The following UBE4B variants were observed in gnomAD, a reference collection of about 807,000 sequenced individuals.
The protein encoded by UBE4B is ubiquitin conjugation factor E4 B.
Under a neutral mutation model 148.1 loss-of-function variants are expected in UBE4B, and 27 were observed. That is an observed-to-expected ratio of 0.18 (90% CI 0.13 to 0.25). The LOEUF is 0.25. Ranked by LOEUF, UBE4B falls within the 10% of genes least tolerant of loss-of-function variation. The pLI is 1.00. For synonymous variants in UBE4B, 596 were observed against 619.3 expected (o/e 0.96, Z 0.56); for missense variants, 1,170 against 1,662.4 (o/e 0.70, Z 5.15).
intron 3 of UBE4B, among the ~76,000 whole-genome samples, chr1:10,096,064 C>G (rs1331188717): frequency 3.3e-5 from 5 of 152,166 alleles, no homozygotes; most frequent in African/African-American, 1.2e-4. Flanking sequence ...AGCCACTGTG[C>G]GTGGCCCACT....
At chr1:10,115,298 C>T (rs367933352) in intron 7 of UBE4B, among the ~76,000 whole-genome samples, 3 of 148,386 alleles carry the variant, frequency 2.0e-5, no homozygotes, top group Non-Finnish European at 3.0e-5. Flanking sequence ...ATATCATAGT[C>T]GCTCTCTTGC....
intron 22 of UBE4B, among the ~76,000 whole-genome samples, chr1:10,159,538 T>C (rs570945406): frequency 2.9e-4 from 44 of 152,082 alleles, no homozygotes; most frequent in Admixed American, 4.6e-4. Flanking sequence ...CCAGGCATGG[T>C]GGTGGGCGCG....
At chr1:10,163,104 G>C (rs1646192166) in intron 23 of UBE4B, among the ~76,000 whole-genome samples, 1 of 151,262 alleles carries the variant, frequency 6.6e-6, no homozygotes, top group African/African-American at 2.4e-5. Context: ...TGTCGCCTTG[G>C]CTGGAGTGCA....
At chr1:10,160,162 G>A (rs1646138220) in intron 22 of UBE4B, among the ~76,000 whole-genome samples, 1 of 152,182 alleles carries the variant, frequency 6.6e-6, no homozygotes, top group Non-Finnish European at 1.5e-5. Context: ...TCACCAGCAA[G>A]TTCTCATTAT....
chr1:10,034,590 C>CTA (rs1414951264), intron 1 of UBE4B, among the ~76,000 whole-genome samples: 4 of 152,166 alleles, frequency 2.6e-5, no homozygotes, highest in Admixed American at 6.5e-5. Flanking sequence ...TTCAGGACCC[C>CTA]TACTGGCCAT....
At chr1:10,137,246 C>G (rs757749684) in intron 17 of UBE4B, 41 bp downstream of exon 17, 2 of 1,611,706 alleles carry the variant, frequency 1.2e-6, no homozygotes, top group Non-Finnish European at 1.7e-6. Flanking sequence ...GCCTGAGTTA[C>G]CACTTTTTCT....
At chr1:10,035,378 G>T (rs1271114938) in intron 1 of UBE4B, among the ~76,000 whole-genome samples, 2 of 146,680 alleles carry the variant, frequency 1.4e-5, no homozygotes. Flanking sequence ...TTCTCTTAAG[G>T]CAGAGATACT....
At chr1:10,040,538 T>G (rs1304798111) in intron 1 of UBE4B, among the ~76,000 whole-genome samples, 1 of 151,968 alleles carries the variant, frequency 6.6e-6, no homozygotes, top group African/African-American at 2.4e-5. Context: ...AGTTTAATTT[T>G]GGACCACCAA....
At chr1:10,109,171 G>A (rs1027308923) in intron 7 of UBE4B, among the ~76,000 whole-genome samples, 3 of 151,832 alleles carry the variant, frequency 2.0e-5, no homozygotes, top group African/African-American at 4.8e-5. Flanking sequence ...TTTACTCCTC[G>A]CTGTAGCCTG....
intron 21 of UBE4B, among the ~76,000 whole-genome samples, chr1:10,152,122 C>G (rs531254128): frequency 6.6e-6 from 1 of 151,626 alleles, no homozygotes; most frequent in East Asian, 1.9e-4. Context: ...TTAAATTAGC[C>G]GGGCATGGTT....
chr1:10,113,480 T>C (rs1449475535), intron 7 of UBE4B, among the ~76,000 whole-genome samples: 1 of 152,226 alleles, frequency 6.6e-6, no homozygotes, highest in Non-Finnish European at 1.5e-5. Flanking sequence ...GTGCCTTTCC[T>C]TGCATTGCCT....
intron 1 of UBE4B, among the ~76,000 whole-genome samples, chr1:10,042,301 A>G (rs897750812): frequency 1.3e-5 from 2 of 152,178 alleles, no homozygotes; most frequent in African/African-American, 4.8e-5. Flanking sequence ...TGCATCCCTG[A>G]TAACAGACAA....
At chr1:10,091,965 T>C (rs772526841) in intron 2 of UBE4B, among the ~76,000 whole-genome samples, 21 of 152,060 alleles carry the variant, frequency 1.4e-4, no homozygotes, top group Non-Finnish European at 2.4e-4. Context: ...CCCAGGCTGG[T>C]CTCAAACTCC....
chr1:10,144,428 T>A (rs1274589579), intron 17 of UBE4B, among the ~76,000 whole-genome samples: 2 of 152,150 alleles, frequency 1.3e-5, no homozygotes, highest in Non-Finnish European at 2.9e-5. Context: ...ATCATTGTTT[T>A]AGGAACCAAT....
intron 1 of UBE4B, among the ~76,000 whole-genome samples, chr1:10,063,857 G>A (rs1644334229): frequency 1.3e-5 from 2 of 151,124 alleles, no homozygotes; most frequent in Admixed American, 6.6e-5. Context: ...GCAATGAGCC[G>A]AGACCATGCC....
chr1:10,129,281 C>A, intron 11 of UBE4B, 111 bp from the exon 12 acceptor site: 2 of 889,118 alleles, frequency 2.2e-6, no homozygotes, highest in Non-Finnish European at 1.7e-6. Context: ...TGCATGTGTG[C>A]CATTTTAGAG....
chr1:10,097,625 C>T (rs1644949681), intron 3 of UBE4B, among the ~76,000 whole-genome samples: 5 of 152,122 alleles, frequency 3.3e-5, no homozygotes, highest in Admixed American at 3.3e-4. Context: ...GCCTGGCCAA[C>T]ATGTTGAAAC....
At chr1:10,162,144 G>A (rs983516888) in intron 23 of UBE4B, among the ~76,000 whole-genome samples, 8 of 151,762 alleles carry the variant, frequency 5.3e-5, no homozygotes, top group African/African-American at 1.7e-4. Context: ...GATTACAGGC[G>A]CCTGCCACCA....
Position 10,179,963 on chromosome 1 carries a change from C to G in UBE4B, c.*7C>G, listed in dbSNP as rs756912152. 1 of 1,613,956 alleles carries G rather than the reference C, an allele frequency of 6.2e-7. No homozygotes were observed. Among genetic ancestry groups the G allele is most frequent in the East Asian group, 2.2e-5 (1 of 44,880 alleles). On this transcript the variant is annotated 3_prime_UTR_variant, in exon 28 of 28. Coordinates refer to ENST00000343090, the MANE Select transcript of UBE4B (RefSeq NM_001105562.3). ...ACAGAACAGCGATCACTAAACCGTT[C>G]CGCCGCCCACCCTCTGCTAGACACA...
Sources: gnomAD v4.1 joint callset for allele counts (sites outside exome capture counted in the v4.1 genomes callset) on GRCh38, gnomAD v4.1.1 for gene constraint, MANE v1.5 for transcripts, NCBI Gene and HGNC (gene_info 2026-07-23, HGNC 2026-07-21) for gene names.